The following HPSE2 variants were observed in gnomAD, a reference collection of about 807,000 sequenced individuals.
HPSE2 encodes the protein inactive heparanase-2.
In HPSE2, 38 loss-of-function variants were observed where a neutral mutation model predicts 60.5. The observed-to-expected ratio is 0.63, with a 90% CI of 0.48 to 0.82. The LOEUF is 0.82. HPSE2 is among the 40% of genes least tolerant of loss of function. The pLI is 0.00. For synonymous variants in HPSE2, 295 were observed against 293.2 expected (o/e 1.01, Z -0.06); for missense variants, 713 against 740.4 (o/e 0.96, Z 0.43).
intron 3 of HPSE2, among the ~76,000 whole-genome samples, chr10:99,006,839 G>A (rs1956906001): frequency 6.6e-6 from 1 of 151,994 alleles, no homozygotes; most frequent in Non-Finnish European, 1.5e-5. Flanking sequence ...AAGTCCTAGT[G>A]TGCAAGTCAG....
At chr10:99,313,207 T>C in the HPSE2 span, among the ~76,000 whole-genome samples, 54 of 152,204 alleles carry the variant, frequency 3.5e-4, no homozygotes, top group African/African-American at 1.3e-3. Context: ...TAATACAAGA[T>C]GCCATTAAGA....
At chr10:98,774,732 G>A (rs17110835) in intron 3 of HPSE2, among the ~76,000 whole-genome samples, 2,097 of 152,268 alleles carry the variant, frequency 0.014, 42 homozygotes, top group African/African-American at 0.047. Context: ...TAAGTAACCG[G>A]TACTGGCAGC....
At chr10:98,780,760 A>G (rs56203108) in intron 3 of HPSE2, among the ~76,000 whole-genome samples, 1 of 152,202 alleles carries the variant, frequency 6.6e-6, no homozygotes, top group African/African-American at 2.4e-5. Flanking sequence ...ATCTTAAAAC[A>G]GAGCAAAACT....
chr10:98,817,017 C>G (rs996380712), intron 3 of HPSE2, among the ~76,000 whole-genome samples: 15 of 152,118 alleles, frequency 9.9e-5, no homozygotes, highest in Non-Finnish European at 2.2e-4. Flanking sequence ...TCTCTGCTTC[C>G]TTGGACTGCT....
At chr10:99,171,897 A>G (rs149279086) in intron 2 of HPSE2, among the ~76,000 whole-genome samples, 1 of 152,200 alleles carries the variant, frequency 6.6e-6, no homozygotes, top group East Asian at 1.9e-4. Context: ...TTCCTGACTT[A>G]TTATCATTTA....
chr10:98,972,354 C>T (rs1296127767), intron 3 of HPSE2, among the ~76,000 whole-genome samples: 2 of 151,680 alleles, frequency 1.3e-5, no homozygotes, highest in African/African-American at 4.8e-5. Flanking sequence ...TTTAATATTG[C>T]CCCTGGAAGC....
chr10:99,184,418 G>A (rs772214663), intron 2 of HPSE2, among the ~76,000 whole-genome samples: 55 of 150,484 alleles, frequency 3.7e-4, no homozygotes, highest in Non-Finnish European at 1.8e-4. Context: ...CCAGCTATTC[G>A]GGAGGCTGAG....
the HPSE2 span, among the ~76,000 whole-genome samples, chr10:99,281,416 AT>A: frequency 8.6e-5 from 13 of 151,752 alleles, no homozygotes; most frequent in African/African-American, 3.1e-4. Flanking sequence ...GAAAACATAT[AT>A]TCTGTTTTCT....
intron 10 of HPSE2, 91 bp downstream of exon 10, chr10:98,489,960 T>C: frequency 6.7e-7 from 1 of 1,485,490 alleles, no homozygotes; most frequent in South Asian, 1.1e-5. Context: ...TTGATAAGAT[T>C]AGTGAATGGA....
intron 3 of HPSE2, among the ~76,000 whole-genome samples, chr10:99,097,764 G>A (rs535017008): frequency 5.9e-5 from 9 of 152,134 alleles, no homozygotes; most frequent in East Asian, 5.8e-4. Context: ...ATAATCCTAC[G>A]AACTAGATAG....
intron 11 of HPSE2, among the ~76,000 whole-genome samples, chr10:98,470,063 C>T (rs901652624): frequency 6.6e-6 from 1 of 151,672 alleles, no homozygotes; most frequent in Admixed American, 6.6e-5. Flanking sequence ...ATCCCCTTTA[C>T]AGCAGTCTAC....
intron 2 of HPSE2, among the ~76,000 whole-genome samples, chr10:99,180,882 T>C: frequency 1.2e-5 from 1 of 81,762 alleles, no homozygotes; most frequent in African/African-American, 4.9e-5. Flanking sequence ...AAGGCAAGAC[T>C]CCATCTCAAA....
Position 99,227,910 on chromosome 10 carries a change from T to C in HPSE2, c.448+4438A>G, listed in dbSNP as rs994240871. On this transcript the variant is annotated intron_variant, in intron 2 of 11. Coordinates refer to ENST00000370552, the MANE Select transcript of HPSE2 (RefSeq NM_021828.5). ...GTGTGTGTGTATATACATATATATA[T>C]ATATACATAAAATTAAATGGCAAAA... 2.0e-5 allele frequency among the ~76,000 whole-genome samples: 3 copies of C among 149,632 alleles called. No homozygotes were observed. The Admixed American group carries it at 2.0e-4, about 10-fold the overall frequency.
chr10:98,509,269 G>A (rs7095528), intron 9 of HPSE2, among the ~76,000 whole-genome samples: 133,165 of 151,786 alleles, frequency 0.88, 60,929 homozygotes, highest in East Asian at 1. Context: ...AGCCAAGATC[G>A]CGCCACTGCA....
At chr10:99,211,072 G>T (rs908395811) in intron 2 of HPSE2, among the ~76,000 whole-genome samples, 4 of 151,496 alleles carry the variant, frequency 2.6e-5, no homozygotes, top group Non-Finnish European at 5.9e-5. Context: ...AAGTTGCAGG[G>T]TACAAAATCA....
intron 6 of HPSE2, among the ~76,000 whole-genome samples, chr10:98,688,019 C>T (rs1035894524): frequency 1.4e-4 from 22 of 151,992 alleles, no homozygotes; most frequent in African/African-American, 5.3e-4. Flanking sequence ...TTTTGTTCCT[C>T]TCTTTCTCCT....
intron 2 of HPSE2, among the ~76,000 whole-genome samples, chr10:99,225,895 G>C (rs1363386130): frequency 6.6e-6 from 1 of 151,708 alleles, no homozygotes; most frequent in African/African-American, 2.4e-5. Context: ...TACATATTTT[G>C]AAGTTAAGAA....
intron 7 of HPSE2, among the ~76,000 whole-genome samples, chr10:98,625,864 A>G (rs1229963630): frequency 6.6e-6 from 1 of 152,200 alleles, no homozygotes. Context: ...GCACTTTGGG[A>G]GGCCGAGGTG....
intron 8 of HPSE2, among the ~76,000 whole-genome samples, chr10:98,618,984 G>A (rs753292603): frequency 1.3e-5 from 2 of 152,192 alleles, no homozygotes; most frequent in Non-Finnish European, 1.5e-5. Context: ...GCTACACAAC[G>A]TTAGATGCTG....
Sources: allele counts gnomAD v4.1 joint callset (sites outside exome capture counted in the v4.1 genomes callset), GRCh38; gene constraint gnomAD v4.1.1; transcripts MANE v1.5; gene names NCBI Gene and HGNC (gene_info 2026-07-23, HGNC 2026-07-21).